The following CDC42BPA variants were observed in gnomAD, a reference collection of about 807,000 sequenced individuals.
CDC42BPA encodes the protein serine/threonine-protein kinase MRCK alpha.
A neutral mutation model predicts 223.5 loss-of-function variants in CDC42BPA; 80 were observed. That is an observed-to-expected ratio of 0.36 (90% CI 0.30 to 0.43). The LOEUF (loss-of-function observed/expected upper bound fraction) is 0.43. CDC42BPA is among the 20% of genes least tolerant of loss of function. The pLI, the probability that CDC42BPA is intolerant of heterozygous loss-of-function variation, is 1.00. For synonymous variants in CDC42BPA, 694 were observed against 718.6 expected (o/e 0.97, Z 0.55); for missense variants, 1,743 against 2,099.9 (o/e 0.83, Z 3.32).
chr1:227,028,512 C>T (rs1668680146), intron 30 of CDC42BPA, 145 bp downstream of exon 30: 1 of 536,792 alleles, frequency 1.9e-6, no homozygotes. Flanking sequence ...TTTACATCAA[C>T]AACATAATCA....
In CDC42BPA at chr1:227,031,174, G is replaced by A. The variant is rs560978151; in HGVS notation, c.3775+124C>T. On this transcript the variant is annotated intron_variant, in intron 28 of 36. Transcript: ENST00000366766. ...CTCATTCATTCAGTAAACATGTACT[G>A]AGCATTTATGATATGATGCACAGTA... 5 of 704,936 alleles carry A rather than the reference G, an allele frequency of 7.1e-6. No individual in the cohort carries two copies. In the South Asian group the frequency reaches 9.0e-5, roughly 13 times the overall value. 43.7% of individuals were successfully genotyped at this position (704,936 alleles called of 1,614,324 possible). A position where few individuals can be genotyped will look rare whatever the true frequency, so the allele number is the denominator to read the frequency against.
chr1:227,177,953 A>G (rs1050171317), intron 5 of CDC42BPA, among the ~76,000 whole-genome samples: 2 of 151,798 alleles, frequency 1.3e-5, no homozygotes, highest in Admixed American at 1.3e-4. Flanking sequence ...TTTTTTTCCA[A>G]TACTGTATTT....
At chr1:227,131,968 G>T (rs1261895362) in intron 10 of CDC42BPA, among the ~76,000 whole-genome samples, 1 of 152,190 alleles carries the variant, frequency 6.6e-6, no homozygotes, top group Non-Finnish European at 1.5e-5. Context: ...ACGGGAGTCA[G>T]TTGTTGACAC....
At chr1:227,046,031 C>T (rs1266550674) in intron 23 of CDC42BPA, among the ~76,000 whole-genome samples, 1 of 152,078 alleles carries the variant, frequency 6.6e-6, no homozygotes, top group Non-Finnish European at 1.5e-5. Flanking sequence ...GTCTCGAACT[C>T]CTGGGCTCAA....
At position 227,068,632 on chromosome 1, in the gene CDC42BPA, G is replaced by A. The variant is rs192165436; in HGVS notation, c.2904+1145C>T. On this transcript the variant is annotated intron_variant, in intron 21 of 36. Coordinates refer to ENST00000366766, the MANE Select transcript of CDC42BPA (RefSeq NM_001394014.1). ...GATCTTTTTTACTGAAGGATGCATT[G>A]GTTTGAAAATCAAAGACTTACGTCA... The A allele has an allele frequency of 6.3e-6, 7 of 1,108,146 alleles. No homozygotes were observed. The East Asian group carries it at 5.3e-4, about 84-fold the overall frequency. The allele number at this position is 1,108,146 out of a possible 1,614,324, so 68.6% of individuals were successfully genotyped here.
rs12566316 is a variant in CDC42BPA at position 227,053,553 on chromosome 1, G to T, written c.2905-1568C>A. ...GTACATGTGATGTGGCTGATTTCATGAAACTAGTATGCCTTGTGAAGTTGG... is the reference window on the plus strand; with the variant it reads ...GTACATGTGATGTGGCTGATTTCATTAAACTAGTATGCCTTGTGAAGTTGG... On this transcript the variant is annotated intron_variant, in intron 21 of 36. Transcript: ENST00000366766. 2.7e-3 allele frequency among the ~76,000 whole-genome samples: 408 copies of T among 152,296 alleles called. 11 individuals carry two copies. In the East Asian group the frequency reaches 0.051, roughly 19 times the overall value.
chr1:227,112,437 G>A lies in CDC42BPA; in HGVS notation c.1891-15C>T. ...TGAACTTCCAGCTTTAAAACAGAAT[G>A]AAAAATGCAGATTTCACGGTTATAA... On this transcript the variant is annotated splice_polypyrimidine_tract_variant and intron_variant, in intron 13 of 36. Coordinates refer to ENST00000366766, the MANE Select transcript of CDC42BPA (RefSeq NM_001394014.1). 6.6e-7 allele frequency: 1 copy of A among 1,517,730 alleles called. No homozygotes were observed. Among genetic ancestry groups the A allele is most frequent in the South Asian group, 1.2e-5 (1 of 80,434 alleles). The allele number at this position is 1,517,730 out of a possible 1,614,324, so 94.0% of individuals were successfully genotyped here. A position where few individuals can be genotyped will look rare whatever the true frequency, so the allele number is the denominator to read the frequency against.
rs529038634 is a variant in CDC42BPA at position 227,295,452 on chromosome 1, C to A, written c.178+21553G>T. Reference sequence around the variant, plus strand: ...GGGATTACAGGCATGAAACACCATGCCCAGCATGAAATTAAAAAAAATTTA... The same window carrying A: ...GGGATTACAGGCATGAAACACCATGACCAGCATGAAATTAAAAAAAATTTA... On this transcript the variant is annotated intron_variant, in intron 1 of 36. Transcript: ENST00000366766. Among the ~76,000 whole-genome samples, 9 of 146,350 alleles carry A rather than the reference C, an allele frequency of 6.1e-5. No individual in the cohort carries two copies. In the South Asian group the frequency reaches 2.0e-3, roughly 32 times the overall value.
intron 2 of CDC42BPA, among the ~76,000 whole-genome samples, chr1:227,214,526 C>T (rs977104498): frequency 1.3e-5 from 2 of 152,292 alleles, no homozygotes; most frequent in South Asian, 2.1e-4. Context: ...ATCTCTGAAG[C>T]GGTGAACACA....
chr1:227,157,652 A>AT lies in CDC42BPA; in HGVS notation c.693+2890dup, dbSNP rs760218770. Among the ~76,000 whole-genome samples the AT allele has an allele frequency of 1.4e-3, 205 of 151,094 alleles. 1 individual carries two copies. Among genetic ancestry groups the AT allele is most frequent in the Admixed American group, 3.3e-3 (50 of 15,192 alleles). On this transcript the variant is annotated intron_variant, in intron 6 of 36. Transcript: ENST00000366766. ...GGGAAGGTTGAGCCATTACGTACAC[A>AT]TTTTTTTTTCCCCACATCTCACTCT...
chr1:227,091,557 T>C (rs540215850), intron 16 of CDC42BPA, among the ~76,000 whole-genome samples: 1 of 152,256 alleles, frequency 6.6e-6, no homozygotes, highest in South Asian at 2.1e-4. Flanking sequence ...TAAGCCAAAA[T>C]AAATCTATTT....
At chr1:227,093,175 G>C (rs921966620) in intron 15 of CDC42BPA, among the ~76,000 whole-genome samples, 1 of 152,100 alleles carries the variant, frequency 6.6e-6, no homozygotes, top group Non-Finnish European at 1.5e-5. Flanking sequence ...ATAATGTATA[G>C]GTCTCTAATT....
chr1:227,089,876 A>G lies in CDC42BPA; in HGVS notation c.2355+2010T>C, dbSNP rs185768843. 7.9e-5 allele frequency among the ~76,000 whole-genome samples: 12 copies of G among 152,302 alleles called. No individual in the cohort carries two copies. In the East Asian group the frequency reaches 1.2e-3, roughly 15 times the overall value. On this transcript the variant is annotated intron_variant, in intron 16 of 36. Coordinates refer to ENST00000366766, the MANE Select transcript of CDC42BPA (RefSeq NM_001394014.1). ...GAATGCAAAAATTTGATCTACATTCAAGTTATTTTCCAATACAATTTTTCT... is the reference window on the plus strand; with the variant it reads ...GAATGCAAAAATTTGATCTACATTCGAGTTATTTTCCAATACAATTTTTCT...
At chr1:227,027,634 A>G (rs1668509130) in intron 30 of CDC42BPA, among the ~76,000 whole-genome samples, 1 of 152,092 alleles carries the variant, frequency 6.6e-6, no homozygotes, top group Non-Finnish European at 1.5e-5. Flanking sequence ...AGAACTCTCT[A>G]CTTCTGCTAT....
At chr1:227,092,071 C>T in intron 15 of CDC42BPA, 80 bp from the exon 16 acceptor site, 1 of 725,122 alleles carries the variant, frequency 1.4e-6, no homozygotes, top group Non-Finnish European at 2.3e-6. Flanking sequence ...CCAATAGTTA[C>T]ATAAAACACA....
intron 35 of CDC42BPA, among the ~76,000 whole-genome samples, chr1:226,997,180 C>T (rs1375678832): frequency 1.3e-5 from 2 of 152,156 alleles, no homozygotes; most frequent in African/African-American, 4.8e-5. Flanking sequence ...CTGGTTTAGA[C>T]TTGGGAAGGT....
At chr1:227,296,664 C>CAG (rs1376905571) in intron 1 of CDC42BPA, among the ~76,000 whole-genome samples, 1 of 149,772 alleles carries the variant, frequency 6.7e-6, no homozygotes, top group African/African-American at 2.5e-5. Context: ...CGACATTGTG[C>CAG]CACTGCACTC....
At chr1:227,058,889 C>T (rs937131874) in intron 21 of CDC42BPA, among the ~76,000 whole-genome samples, 5 of 132,794 alleles carry the variant, frequency 3.8e-5, no homozygotes, top group African/African-American at 1.1e-4. Context: ...AAAAAAAAAA[C>T]AAGATTTCTC....
intron 6 of CDC42BPA, among the ~76,000 whole-genome samples, chr1:227,157,116 T>C (rs1513619): frequency 0.9 from 137,376 of 152,302 alleles, 62,404 homozygotes; most frequent in Middle Eastern, 0.96. Context: ...AATAATTACA[T>C]ATTACATTAT....
Sources: gnomAD v4.1 joint callset for allele counts (sites outside exome capture counted in the v4.1 genomes callset) on GRCh38, gnomAD v4.1.1 for gene constraint, MANE v1.5 for transcripts, NCBI Gene and HGNC (gene_info 2026-07-23, HGNC 2026-07-21) for gene names.